Variants in ZBTB20 observed in about 807,000 individuals in gnomAD.
ZBTB20 encodes the protein zinc finger and BTB domain-containing protein 20.
A neutral mutation model predicts 56.9 loss-of-function variants in ZBTB20; 9 were observed. The observed-to-expected ratio is 0.16, with a 90% CI of 0.10 to 0.28. ZBTB20 has a LOEUF of 0.28. Among genes scored for constraint, ZBTB20 ranks in the 10% least tolerant of loss-of-function variants. The pLI is 1.00. For synonymous variants in ZBTB20, 417 were observed against 420.7 expected, an observed-to-expected ratio of 0.99 and a Z score of 0.11; for missense variants, 655 against 1,003.0, an observed-to-expected ratio of 0.65 and a Z score of 4.69.
chr3:114,923,539 A>ATCCT (rs2076039015), intron 3 of ZBTB20, among the ~76,000 whole-genome samples: 1 of 152,206 alleles, frequency 6.6e-6, no homozygotes, highest in East Asian at 1.9e-4. Context: ...ATAAGACTGG[A>ATCCT]TCCTTGTCTT....
At chr3:114,481,621 C>T (rs1481666772) in intron 7 of ZBTB20, among the ~76,000 whole-genome samples, 1 of 152,202 alleles carries the variant, frequency 6.6e-6, no homozygotes, top group Non-Finnish European at 1.5e-5. Context: ...ATCTCCAGTC[C>T]CAATGCATCC....
chr3:114,798,454 A>G (rs2071482295), intron 5 of ZBTB20, among the ~76,000 whole-genome samples: 1 of 151,930 alleles, frequency 6.6e-6, no homozygotes, highest in Admixed American at 6.6e-5. Flanking sequence ...ACAATTCAAC[A>G]AGTCTCAAAA....
chr3:115,022,040 A>G (rs931521873), intron 2 of ZBTB20, among the ~76,000 whole-genome samples: 1 of 150,688 alleles, frequency 6.6e-6, no homozygotes, highest in African/African-American at 2.4e-5. Context: ...TTTTGAAGAA[A>G]AAGTTGAGAC....
At chr3:114,381,149 G>C (rs1449703799) in intron 8 of ZBTB20, among the ~76,000 whole-genome samples, 1 of 152,186 alleles carries the variant, frequency 6.6e-6, no homozygotes, top group African/African-American at 2.4e-5. Flanking sequence ...CAAGTGAAAA[G>C]TGAAAAGAAG....
intron 6 of ZBTB20, among the ~76,000 whole-genome samples, chr3:114,656,442 A>C (rs2060409469): frequency 6.6e-6 from 1 of 152,092 alleles, no homozygotes; most frequent in Non-Finnish European, 1.5e-5. Flanking sequence ...GGTTCTTTTT[A>C]GTAATTTCAT....
intron 6 of ZBTB20, among the ~76,000 whole-genome samples, chr3:114,588,031 C>T (rs1366904757): frequency 6.6e-6 from 1 of 152,172 alleles, no homozygotes; most frequent in Non-Finnish European, 1.5e-5. Flanking sequence ...CTCCTTGTGT[C>T]CATGACAATT....
chr3:114,410,334 C>T (rs2087809680), intron 7 of ZBTB20, among the ~76,000 whole-genome samples: 1 of 151,936 alleles, frequency 6.6e-6, no homozygotes, highest in Admixed American at 6.6e-5. Context: ...GAACCGTATC[C>T]AGAGGTACTA....
chr3:114,417,720 C>CA (rs1279815844), intron 7 of ZBTB20, among the ~76,000 whole-genome samples: 4 of 151,884 alleles, frequency 2.6e-5, no homozygotes, highest in Admixed American at 2.6e-4. Flanking sequence ...CTCAATAGAG[C>CA]AAAAAATCTT....
At chr3:114,392,803 C>A (rs1011838712) in intron 7 of ZBTB20, among the ~76,000 whole-genome samples, 3 of 152,114 alleles carry the variant, frequency 2.0e-5, no homozygotes, top group South Asian at 2.1e-4. Context: ...TTAGTTGTTT[C>A]TCTTCTCTAT....
At chr3:114,686,311 G>A (rs1222144096) in intron 6 of ZBTB20, among the ~76,000 whole-genome samples, 9 of 152,192 alleles carry the variant, frequency 5.9e-5, no homozygotes, top group African/African-American at 2.2e-4. Context: ...AAGGTAAAGA[G>A]TGCGAAGCAG....
chr3:114,504,576 C>T (rs1237936320), intron 6 of ZBTB20, among the ~76,000 whole-genome samples: 2 of 152,260 alleles, frequency 1.3e-5, no homozygotes, highest in Non-Finnish European at 2.9e-5. Context: ...ATGGAACTTC[C>T]GGTTGAGTGA....
chr3:114,980,671 G>A (rs1415892187), intron 2 of ZBTB20, among the ~76,000 whole-genome samples: 1 of 151,514 alleles, frequency 6.6e-6, no homozygotes. Flanking sequence ...TTATTCCTGA[G>A]TATACCATAA....
intron 2 of ZBTB20, among the ~76,000 whole-genome samples, chr3:115,053,835 A>C (rs189708677): frequency 6.6e-6 from 1 of 152,250 alleles, no homozygotes; most frequent in East Asian, 1.9e-4. Flanking sequence ...TAAAGAGGAA[A>C]AAGGATGAAA....
intron 7 of ZBTB20, among the ~76,000 whole-genome samples, chr3:114,390,340 A>G (rs1398933700): frequency 1.3e-5 from 2 of 151,864 alleles, no homozygotes; most frequent in Non-Finnish European, 2.9e-5. Context: ...GATATTCTTG[A>G]TTTCATTTCA....
intron 1 of ZBTB20, among the ~76,000 whole-genome samples, chr3:115,132,392 AT>A (rs1452050005): frequency 4.6e-5 from 7 of 152,106 alleles, no homozygotes. Flanking sequence ...TACCTTATCA[AT>A]TTTTCTTACT....
intron 5 of ZBTB20, among the ~76,000 whole-genome samples, chr3:114,741,875 TAA>T (rs554920594): frequency 2.2e-4 from 22 of 100,416 alleles, no homozygotes; most frequent in Non-Finnish European, 2.7e-4. Context: ...AGCAAGACTG[TAA>T]AAAAAAAAAA....
intron 5 of ZBTB20, among the ~76,000 whole-genome samples, chr3:114,788,660 C>T (rs2070725877): frequency 6.6e-6 from 1 of 152,122 alleles, no homozygotes; most frequent in African/African-American, 2.4e-5. Flanking sequence ...AGACTCAAGT[C>T]ATATTCTGAC....
At chr3:114,819,718 C>A (rs2108911874) in intron 4 of ZBTB20, among the ~76,000 whole-genome samples, 1 of 151,814 alleles carries the variant, frequency 6.6e-6, no homozygotes, top group Non-Finnish European at 1.5e-5. Flanking sequence ...TGAATATTTA[C>A]TAAATTTCAA....
At chr3:115,037,352 T>A (rs2080969595) in intron 2 of ZBTB20, among the ~76,000 whole-genome samples, 1 of 152,052 alleles carries the variant, frequency 6.6e-6, no homozygotes, top group African/African-American at 2.4e-5. Flanking sequence ...TGGTGCAATC[T>A]CAGCTCACTG....
Sources: allele counts gnomAD v4.1 joint callset (sites outside exome capture counted in the v4.1 genomes callset), GRCh38; gene constraint gnomAD v4.1.1; transcripts MANE v1.5; gene names NCBI Gene and HGNC (gene_info 2026-07-23, HGNC 2026-07-21).